PARM1: variants seen among roughly 807,000 people sequenced by gnomAD.
PARM1 encodes prostate androgen-regulated mucin-like protein 1.
PARM1 carries 14 observed loss-of-function variants against 24.6 expected under a neutral mutation model. That is an observed-to-expected ratio of 0.57 (90% CI 0.38 to 0.89). The LOEUF (loss-of-function observed/expected upper bound fraction) is 0.89, where lower values mean the gene tolerates loss of function less well. Among genes scored for constraint, PARM1 ranks in the 40% least tolerant of loss-of-function variants. PARM1 has a pLI of 0.00. For missense variants in PARM1, 362 were observed against 380.4 expected (o/e 0.95, Z 0.40); for synonymous variants, 179 against 156.6 (o/e 1.14, Z -1.07).
rs1317767677 is a variant in PARM1, at chr4:74,934,231, A to AT, written c.43+867dup. On this transcript the variant is annotated intron_variant, in intron 1 of 3. Coordinates refer to ENST00000307428, the MANE Select transcript of PARM1 (RefSeq NM_015393.4). The stretch of plus-strand genomic sequence containing the variant: ...CTTTGAATCTAGAGTTCAGGTACCT[A>AT]TTTTTTCCAGAAAACGTCTCCCGAA... Among the ~76,000 whole-genome samples, 11 of 152,058 alleles carry AT rather than the reference A, an allele frequency of 7.2e-5. No homozygotes were observed. In the East Asian group the frequency reaches 1.9e-3, roughly 27 times the overall value.
At chr4:75,001,269 A>G (rs1481097987) in intron 1 of PARM1, among the ~76,000 whole-genome samples, 1 of 152,252 alleles carries the variant, frequency 6.6e-6, no homozygotes, top group Non-Finnish European at 1.5e-5. Context: ...AGATATATTC[A>G]TACAACCAAG....
intron 1 of PARM1, among the ~76,000 whole-genome samples, chr4:74,989,088 T>TC: frequency 6.6e-6 from 1 of 152,278 alleles, no homozygotes; most frequent in Non-Finnish European, 1.5e-5. Context: ...TTTTACGTCT[T>TC]AATACAACAC....
At chr4:74,955,369 GA>G (rs1242569549) in intron 1 of PARM1, among the ~76,000 whole-genome samples, 1 of 152,168 alleles carries the variant, frequency 6.6e-6, no homozygotes, top group Non-Finnish European at 1.5e-5. Flanking sequence ...TTTATGATCT[GA>G]AATGGATTCT....
At position 75,044,496 on chromosome 4, in the gene PARM1, C is replaced by G. The variant is rs186904104; in HGVS notation, c.849-1667C>G. Among the ~76,000 whole-genome samples the G allele has an allele frequency of 8.2e-4, 124 of 150,984 alleles. 1 individual carries two copies. Among genetic ancestry groups the G allele is most frequent in the Non-Finnish European group, 1.5e-3 (101 of 68,014 alleles). ...GAGGACTTACTGTGTGTCAGATATTCTTCTGGGTGCTGGAGTTGGAGCTAA... is the reference window on the plus strand; with the variant it reads ...GAGGACTTACTGTGTGTCAGATATTGTTCTGGGTGCTGGAGTTGGAGCTAA... On this transcript the variant is annotated intron_variant, in intron 3 of 3. Transcript: ENST00000307428.
chr4:74,957,727 TTCTGTAC>T (rs1721669791), intron 1 of PARM1, among the ~76,000 whole-genome samples: 1 of 152,166 alleles, frequency 6.6e-6, no homozygotes, highest in South Asian at 2.1e-4. Context: ...GGTGGTGCTG[TTCTGTAC>T]CCTGGGAGAG....
At chr4:74,954,586 G>T (rs17386612) in intron 1 of PARM1, among the ~76,000 whole-genome samples, 10,892 of 152,230 alleles carry the variant, frequency 0.072, 462 homozygotes, top group Non-Finnish European at 0.094. Context: ...GATTCTACCT[G>T]CTCATTTTCT....
chr4:75,046,047 A>C, intron 3 of PARM1, 116 bp from the exon 4 acceptor site: 1 of 670,920 alleles, frequency 1.5e-6, no homozygotes, highest in Admixed American at 2.4e-5. Context: ...TGAGAGCGTC[A>C]CAACTTTCCC....
At chr4:74,978,262 G>A (rs1229492714) in intron 1 of PARM1, among the ~76,000 whole-genome samples, 13 of 152,294 alleles carry the variant, frequency 8.5e-5, no homozygotes, top group African/African-American at 9.6e-5. Context: ...AAAATAAAGC[G>A]ATGGAGGAAA....
intron 1 of PARM1, among the ~76,000 whole-genome samples, chr4:74,942,936 C>T (rs1245846873): frequency 6.6e-6 from 1 of 152,194 alleles, no homozygotes; most frequent in Non-Finnish European, 1.5e-5. Flanking sequence ...GCTGGGGCCT[C>T]GTTGGTTCTT....
At chr4:74,936,707 G>A (rs1215476477) in intron 1 of PARM1, among the ~76,000 whole-genome samples, 4 of 151,800 alleles carry the variant, frequency 2.6e-5, no homozygotes, top group African/African-American at 9.7e-5. Context: ...CACCAGCCTC[G>A]GACTCCCAAA....
intron 2 of PARM1, among the ~76,000 whole-genome samples, chr4:75,028,683 C>T (rs933399878): frequency 2.0e-5 from 3 of 152,156 alleles, no homozygotes; most frequent in Non-Finnish European, 4.4e-5. Flanking sequence ...CTATGGATAG[C>T]AGTGAGACAC....
chr4:74,973,641 G>A (rs1411974229), intron 1 of PARM1, among the ~76,000 whole-genome samples: 6 of 152,024 alleles, frequency 3.9e-5, no homozygotes, highest in Admixed American at 6.6e-5. Context: ...CTCTTGCAGC[G>A]GCACAAGCCT....
At chr4:74,944,498 G>A (rs950574411) in intron 1 of PARM1, among the ~76,000 whole-genome samples, 12 of 152,102 alleles carry the variant, frequency 7.9e-5, no homozygotes, top group African/African-American at 2.4e-4. Context: ...AGAGAGCTGC[G>A]TCTGGTCTTG....
chr4:74,961,057 A>G lies in PARM1; in HGVS notation c.43+27687A>G, dbSNP rs1360523656. On this transcript the variant is annotated intron_variant, in intron 1 of 3. Transcript: ENST00000307428. ...CTGAAAAGTGATGTGGAGAAAGTCA[A>G]GGAAACAATGTATGAACAAAACAGA... Among the ~76,000 whole-genome samples the G allele has an allele frequency of 2.6e-5, 4 of 152,110 alleles. No individual in the cohort carries two copies. In the East Asian group the frequency reaches 7.7e-4, roughly 29 times the overall value.
At chr4:74,937,115 A>G (rs1263620611) in intron 1 of PARM1, among the ~76,000 whole-genome samples, 3 of 152,196 alleles carry the variant, frequency 2.0e-5, no homozygotes, top group African/African-American at 7.2e-5. Flanking sequence ...AACATCTAAA[A>G]TGTCCTTATC....
chr4:75,024,943 C>T (rs1723156578), intron 2 of PARM1, among the ~76,000 whole-genome samples: 1 of 152,210 alleles, frequency 6.6e-6, no homozygotes, highest in Admixed American at 6.5e-5. Flanking sequence ...GATCCACCCG[C>T]CTTGGTCTCC....
At chr4:74,978,449 C>T (rs939742911) in intron 1 of PARM1, among the ~76,000 whole-genome samples, 2 of 152,072 alleles carry the variant, frequency 1.3e-5, no homozygotes, top group South Asian at 2.1e-4. Context: ...CAGGAGCACC[C>T]GGATTTATAA....
At chr4:75,041,918 T>C (rs1723496536) in intron 3 of PARM1, among the ~76,000 whole-genome samples, 2 of 152,216 alleles carry the variant, frequency 1.3e-5, no homozygotes. Context: ...CACAGTGCCA[T>C]TGATTAACGG....
intron 3 of PARM1, among the ~76,000 whole-genome samples, chr4:75,039,941 T>C (rs1413981016): frequency 6.6e-6 from 1 of 152,202 alleles, no homozygotes; most frequent in Non-Finnish European, 1.5e-5. Flanking sequence ...TGGGAAGCCT[T>C]CATCCACCTT....
Sources: allele counts gnomAD v4.1 joint callset (sites outside exome capture counted in the v4.1 genomes callset), GRCh38; gene constraint gnomAD v4.1.1; transcripts MANE v1.5; gene names NCBI Gene and HGNC (gene_info 2026-07-23, HGNC 2026-07-21).